Variants in NBDY observed in about 807,000 individuals in gnomAD.
The protein encoded by NBDY is P-body dissociating protein.
rs1445529488 is a variant in NBDY, at chrX:56,818,413, A to G, written c.*1260A>G. On this transcript the variant is annotated 3_prime_UTR_variant, in exon 3 of 3. Transcript: ENST00000374922. Reference sequence around the variant, plus strand: ...ATGGTGACATTTATGTATATTCTAGAGTTATGTTATGCACACTTAATAAAT... The same window carrying G: ...ATGGTGACATTTATGTATATTCTAGGGTTATGTTATGCACACTTAATAAAT... 8.9e-6 allele frequency: 1 copy of G among 111,979 alleles called. No homozygotes were observed. Among genetic ancestry groups the G allele is most frequent in the African/African-American group, 3.2e-5 (1 of 30,849 alleles). 9.2% of individuals were successfully genotyped at this position (111,979 alleles called of 1,213,427 possible).
At chrX:56,762,285 TTTTC>T (rs944646752) in intron 2 of NBDY, among the ~76,000 whole-genome samples, 11 of 110,875 alleles carry the variant, frequency 9.9e-5, no homozygotes, top group Non-Finnish European at 2.1e-4. Context: ...TTTTCTTTTC[TTTTC>T]TTTCTTTCTT....
chrX:56,812,006 G>C (rs912420588), intron 2 of NBDY, among the ~76,000 whole-genome samples: 16 of 111,082 alleles, frequency 1.4e-4, no homozygotes, highest in Non-Finnish European at 3.0e-4. Flanking sequence ...AGGAGAGGGA[G>C]TTCCCTGACA....
intron 2 of NBDY, among the ~76,000 whole-genome samples, chrX:56,782,160 C>T (rs979382808): frequency 9.0e-6 from 1 of 111,690 alleles, no homozygotes; most frequent in African/African-American, 3.3e-5. Context: ...TCTTCCTTAA[C>T]TAGATCCTTC....
intron 2 of NBDY, among the ~76,000 whole-genome samples, chrX:56,798,603 C>G (rs748477652): frequency 1.2e-4 from 14 of 112,271 alleles, no homozygotes; most frequent in Non-Finnish European, 2.3e-4. Context: ...CTTGTGTAAG[C>G]CAGCTGAGTG....
At chrX:56,754,126 T>G (rs2069598796) in intron 2 of NBDY, among the ~76,000 whole-genome samples, 1 of 111,183 alleles carries the variant, frequency 9.0e-6, no homozygotes, top group Non-Finnish European at 1.9e-5. Context: ...GTGAGTATAA[T>G]GAATAGTTCG....
intron 2 of NBDY, among the ~76,000 whole-genome samples, chrX:56,734,520 G>C (rs771901153): frequency 8.9e-6 from 1 of 112,426 alleles, no homozygotes; most frequent in Non-Finnish European, 1.9e-5. Flanking sequence ...ATTTTAAACT[G>C]TACAAAGCAA....
chrX:56,816,577 A>G (rs1474355478), intron 2 of NBDY, among the ~76,000 whole-genome samples: 4 of 111,470 alleles, frequency 3.6e-5, no homozygotes, highest in Non-Finnish European at 7.5e-5. Flanking sequence ...CCATTGAAAT[A>G]TTGAGACTGA....
chrX:56,785,075 C>G (rs1015815866), intron 2 of NBDY, among the ~76,000 whole-genome samples: 1 of 111,339 alleles, frequency 9.0e-6, no homozygotes, highest in Non-Finnish European at 1.9e-5. Context: ...TTCTCACACT[C>G]ATGAGAGTGT....
At chrX:56,763,608 T>A (rs1220491104) in intron 2 of NBDY, among the ~76,000 whole-genome samples, 1 of 112,165 alleles carries the variant, frequency 8.9e-6, no homozygotes, top group Non-Finnish European at 1.9e-5. Flanking sequence ...CCTCCTGTGG[T>A]GTCCCAGTAA....
intron 2 of NBDY, among the ~76,000 whole-genome samples, chrX:56,804,136 C>G (rs916564579): frequency 8.0e-5 from 9 of 111,930 alleles, no homozygotes; most frequent in Non-Finnish European, 1.7e-4. Flanking sequence ...TCTGAATTTG[C>G]ACAAGCCTCC....
intron 2 of NBDY, among the ~76,000 whole-genome samples, chrX:56,736,773 T>C (rs1302276026): frequency 2.7e-5 from 3 of 112,377 alleles, no homozygotes; most frequent in African/African-American, 6.5e-5. Context: ...GGAGTATATA[T>C]ATTACTTAAG....
At chrX:56,781,142 C>G (rs1024983332) in intron 2 of NBDY, among the ~76,000 whole-genome samples, 2 of 111,248 alleles carry the variant, frequency 1.8e-5, no homozygotes, top group Non-Finnish European at 3.8e-5. Context: ...GAACATCAAT[C>G]ACGTCTGAAC....
intron 2 of NBDY, among the ~76,000 whole-genome samples, chrX:56,794,953 C>T (rs1221872491): frequency 1.8e-5 from 2 of 112,202 alleles, no homozygotes. Context: ...AGCGACCTCT[C>T]TCACTGGAGC....
At chrX:56,783,414 T>C (rs959393534) in intron 2 of NBDY, among the ~76,000 whole-genome samples, 8 of 112,828 alleles carry the variant, frequency 7.1e-5, no homozygotes, top group African/African-American at 2.6e-4. Flanking sequence ...GAGACCAGAT[T>C]AAACGGCCCC....
intron 2 of NBDY, among the ~76,000 whole-genome samples, chrX:56,810,153 C>T (rs999102872): frequency 2.7e-5 from 3 of 111,299 alleles, no homozygotes; most frequent in Admixed American, 1.9e-4. Context: ...CCTTGTAACC[C>T]AACCTTTCTC....
chrX:56,790,343 C>T (rs1049121044), intron 2 of NBDY, among the ~76,000 whole-genome samples: 14 of 112,049 alleles, frequency 1.2e-4, no homozygotes, highest in African/African-American at 4.6e-4. Context: ...ACAGAAAATT[C>T]ACCCCATGGG....
At chrX:56,736,949 T>C (rs1156546253) in intron 2 of NBDY, among the ~76,000 whole-genome samples, 2 of 111,451 alleles carry the variant, frequency 1.8e-5, no homozygotes, top group South Asian at 7.6e-4. Flanking sequence ...CTCATGGAAG[T>C]TACATCCTTA....
intron 2 of NBDY, among the ~76,000 whole-genome samples, chrX:56,762,892 AAC>A (rs2069645175): frequency 9.0e-6 from 1 of 111,637 alleles, no homozygotes; most frequent in African/African-American, 3.3e-5. Context: ...GACACACACA[AAC>A]ACACACATAG....
At chrX:56,807,744 A>C (rs773168695) in intron 2 of NBDY, among the ~76,000 whole-genome samples, 1 of 112,125 alleles carries the variant, frequency 8.9e-6, no homozygotes, top group South Asian at 3.7e-4. Flanking sequence ...CTAAATATAC[A>C]ATCATGTTAT....
Sources: allele counts gnomAD v4.1 joint callset (sites outside exome capture counted in the v4.1 genomes callset), GRCh38; gene constraint gnomAD v4.1.1; transcripts MANE v1.5; gene names NCBI Gene and HGNC (gene_info 2026-07-23, HGNC 2026-07-21).